SDK1: variants seen among roughly 807,000 people sequenced by gnomAD.
The protein encoded by SDK1 is sidekick cell adhesion molecule 1.
Under a neutral mutation model 245.5 loss-of-function variants are expected in SDK1, and 157 were observed. The observed-to-expected ratio is 0.64, with a 90% CI of 0.56 to 0.73. The LOEUF is 0.73. Ranked by LOEUF, SDK1 falls within the 30% of genes least tolerant of loss-of-function variation. The probability of loss-of-function intolerance (pLI) is 0.00; values close to 1 mark genes in which losing one functional copy is unlikely to be tolerated. For missense variants in SDK1, 3,583 were observed against 3,002.3 expected, an observed-to-expected ratio of 1.19 and a Z score of -4.52; for synonymous variants, 1,647 against 1,278.5, an observed-to-expected ratio of 1.29 and a Z score of -6.15.
intron 29 of SDK1, among the ~76,000 whole-genome samples, chr7:4,148,147 C>T (rs956713188): frequency 3.3e-5 from 5 of 152,164 alleles, no homozygotes; most frequent in African/African-American, 1.2e-4. Flanking sequence ...TGGGCCACCT[C>T]CCCTCCGGAG....
chr7:4,093,062 G>A (rs1781908581), intron 22 of SDK1, among the ~76,000 whole-genome samples: 1 of 152,044 alleles, frequency 6.6e-6, no homozygotes, highest in South Asian at 2.1e-4. Flanking sequence ...CTAATCATTG[G>A]AGGAACCCAT....
At chr7:3,932,566 A>G (rs944637287) in intron 5 of SDK1, among the ~76,000 whole-genome samples, 3 of 152,144 alleles carry the variant, frequency 2.0e-5, no homozygotes, top group South Asian at 2.1e-4. Context: ...GAAAAGAAAT[A>G]TTTTCTTCTC....
chr7:3,368,595 G>A (rs1014072906), intron 1 of SDK1, among the ~76,000 whole-genome samples: 1 of 152,166 alleles, frequency 6.6e-6, no homozygotes, highest in East Asian at 1.9e-4. Context: ...CAGTAACAGA[G>A]GAGACCCACT....
At chr7:3,622,652 T>C (rs1042654042) in intron 2 of SDK1, among the ~76,000 whole-genome samples, 3 of 152,204 alleles carry the variant, frequency 2.0e-5, no homozygotes, top group African/African-American at 7.2e-5. Context: ...TGCATATGTA[T>C]TTGTTCATTG....
intron 4 of SDK1, among the ~76,000 whole-genome samples, chr7:3,680,844 T>C (rs1784077022): frequency 6.6e-6 from 1 of 151,986 alleles, no homozygotes; most frequent in African/African-American, 2.4e-5. Context: ...TATTTATTTA[T>C]TTATTTATGT....
intron 1 of SDK1, among the ~76,000 whole-genome samples, chr7:3,348,828 G>A (rs1336128678): frequency 6.6e-6 from 1 of 152,202 alleles, no homozygotes; most frequent in Non-Finnish European, 1.5e-5. Flanking sequence ...GCAGCAAACA[G>A]TGAATAGAGG....
chr7:3,515,344 C>A (rs1478926262), intron 1 of SDK1, among the ~76,000 whole-genome samples: 1 of 152,092 alleles, frequency 6.6e-6, no homozygotes, highest in African/African-American at 2.4e-5. Context: ...TAAGGCTGAC[C>A]AGCAAGACTT....
intron 14 of SDK1, among the ~76,000 whole-genome samples, chr7:3,994,140 A>G (rs557906134): frequency 6.6e-6 from 1 of 152,186 alleles, no homozygotes; most frequent in Non-Finnish European, 1.5e-5. Context: ...TTTTCTAGGG[A>G]TCTCATGTTA....
At chr7:3,774,892 T>C (rs1178568768) in intron 4 of SDK1, among the ~76,000 whole-genome samples, 1 of 152,206 alleles carries the variant, frequency 6.6e-6, no homozygotes, top group African/African-American at 2.4e-5. Flanking sequence ...ACTGTTAAAT[T>C]ATCACACTCA....
chr7:3,670,913 CCTT>C (rs756641639), intron 4 of SDK1, among the ~76,000 whole-genome samples: 5 of 152,168 alleles, frequency 3.3e-5, no homozygotes, highest in African/African-American at 7.2e-5. Context: ...TTTTAGGAAA[CCTT>C]CTTTGATTCC....
At chr7:4,138,809 G>T (rs1343463025) in intron 28 of SDK1, among the ~76,000 whole-genome samples, 1 of 151,756 alleles carries the variant, frequency 6.6e-6, no homozygotes, top group Admixed American at 6.6e-5. Context: ...GAAAAGAAAA[G>T]AAAATTGATG....
In SDK1 at chr7:4,255,522, C is replaced by T. The variant is rs537300174; in HGVS notation, c.6382-9602C>T. On this transcript the variant is annotated intron_variant, in intron 44 of 44. Transcript: ENST00000404826. ...ACAAACAAGCTGGGGTGGGAGCACT[C>T]GGGGCCCAGTATTCTTGGCGTACCA... Among the ~76,000 whole-genome samples, 5 of 152,240 alleles carry T rather than the reference C, an allele frequency of 3.3e-5. No homozygotes were observed. The South Asian group carries it at 6.2e-4, about 19-fold the overall frequency.
intron 4 of SDK1, among the ~76,000 whole-genome samples, chr7:3,667,685 A>G (rs1297460132): frequency 6.6e-6 from 1 of 152,202 alleles, no homozygotes; most frequent in East Asian, 1.9e-4. Flanking sequence ...TATCTTATGA[A>G]TGGGATCCTA....
chr7:4,239,312 T>C (rs1244087406), intron 42 of SDK1, among the ~76,000 whole-genome samples: 1 of 152,164 alleles, frequency 6.6e-6, no homozygotes, highest in East Asian at 1.9e-4. Context: ...TGGAGAGGTA[T>C]AAACAGGGAA....
At chr7:3,620,932 A>G (rs890915630) in intron 2 of SDK1, among the ~76,000 whole-genome samples, 2 of 152,188 alleles carry the variant, frequency 1.3e-5, no homozygotes, top group Non-Finnish European at 2.9e-5. Flanking sequence ...ATAGTAGATC[A>G]TAGCATGTTG....
chr7:3,412,613 G>A (rs1191645758), intron 1 of SDK1, among the ~76,000 whole-genome samples: 1 of 152,206 alleles, frequency 6.6e-6, no homozygotes, highest in African/African-American at 2.4e-5. Flanking sequence ...ACATGTGCAA[G>A]TAAAGCTGTA....
intron 4 of SDK1, among the ~76,000 whole-genome samples, chr7:3,644,866 C>T (rs978045714): frequency 3.3e-4 from 49 of 150,108 alleles, no homozygotes; most frequent in Non-Finnish European, 6.2e-4. Context: ...CTAGAAGTTT[C>T]CAGTGCTGAC....
chr7:3,824,103 A>G (rs933260347), intron 5 of SDK1, among the ~76,000 whole-genome samples: 1 of 152,140 alleles, frequency 6.6e-6, no homozygotes. Flanking sequence ...TGAACACTGC[A>G]GTTCAGGACC....
intron 1 of SDK1, among the ~76,000 whole-genome samples, chr7:3,526,110 G>A (rs1358780055): frequency 3.9e-5 from 6 of 151,944 alleles, no homozygotes; most frequent in East Asian, 1.9e-4. Context: ...GGTGCATGCC[G>A]GTAATCCCAG....
Sources: allele counts gnomAD v4.1 joint callset (sites outside exome capture counted in the v4.1 genomes callset), GRCh38; gene constraint gnomAD v4.1.1; transcripts MANE v1.5; gene names NCBI Gene and HGNC (gene_info 2026-07-23, HGNC 2026-07-21).